The following LIFR variants were observed in gnomAD, a reference collection of about 807,000 sequenced individuals.
The protein encoded by LIFR is leukemia inhibitory factor receptor.
A neutral mutation model predicts 122.2 loss-of-function variants in LIFR; 84 were observed. The ratio of observed to expected loss-of-function variants is 0.69; its 90% CI spans 0.58 to 0.82. The LOEUF (loss-of-function observed/expected upper bound fraction) is 0.82. Among genes scored for constraint, LIFR ranks in the 40% least tolerant of loss-of-function variants. The pLI is 0.00. For missense variants in LIFR, 1,294 were observed against 1,311.6 expected (o/e 0.99, Z 0.21); for synonymous variants, 422 against 434.7 (o/e 0.97, Z 0.36).
At chr5:38,517,383 T>A (rs1265285341) in intron 5 of LIFR, among the ~76,000 whole-genome samples, 1 of 152,134 alleles carries the variant, frequency 6.6e-6, no homozygotes, top group Non-Finnish European at 1.5e-5. Context: ...CCTAAGCCTG[T>A]AAGTGGTAAC....
intron 1 of LIFR, among the ~76,000 whole-genome samples, chr5:38,538,241 A>G: frequency 6.6e-6 from 1 of 152,200 alleles, no homozygotes; most frequent in Non-Finnish European, 1.5e-5. Flanking sequence ...GGGACTCCTT[A>G]GCCTACTGCT....
At chr5:38,555,770 G>T (rs540287373) in intron 1 of LIFR, among the ~76,000 whole-genome samples, 2 of 152,198 alleles carry the variant, frequency 1.3e-5, no homozygotes. Context: ...TTCAGAACAC[G>T]TGATGTGCAG....
intron 5 of LIFR, among the ~76,000 whole-genome samples, chr5:38,512,811 A>T (rs1031587869): frequency 6.6e-6 from 1 of 152,124 alleles, no homozygotes; most frequent in Non-Finnish European, 1.5e-5. Context: ...CTGCCTAATG[A>T]TCTAAATTTT....
chr5:38,594,266 C>T (rs1244771278), intron 1 of LIFR, among the ~76,000 whole-genome samples: 2 of 151,966 alleles, frequency 1.3e-5, no homozygotes, highest in Non-Finnish European at 2.9e-5. Flanking sequence ...GTTGTCAGGG[C>T]CTGGAGAAGG....
At chr5:38,581,801 T>TA (rs1225938947) in intron 1 of LIFR, among the ~76,000 whole-genome samples, 3 of 152,158 alleles carry the variant, frequency 2.0e-5, no homozygotes, top group Non-Finnish European at 4.4e-5. Context: ...GGCAGGGAAA[T>TA]ATAAACCTGT....
chr5:38,488,603 C>T (rs1435925513), intron 16 of LIFR, among the ~76,000 whole-genome samples: 1 of 152,148 alleles, frequency 6.6e-6, no homozygotes, highest in South Asian at 2.1e-4. Flanking sequence ...TAATACATCC[C>T]CAATCAAGTC....
rs1267297577 is a variant in LIFR at position 38,510,724 on chromosome 5, A to G, written c.737-6T>C. On this transcript the variant is annotated splice_polypyrimidine_tract_variant and splice_region_variant and intron_variant, in intron 6 of 19. Transcript: ENST00000453190. ...AGTCTGAGAATCAGGTATCCCTAGA[A>G]AGAAAAAGAGGAATTATAAACATTT... 7 of 1,605,576 alleles carry G rather than the reference A, an allele frequency of 4.4e-6. No individual in the cohort carries two copies. In the East Asian group the frequency reaches 1.1e-4, roughly 26 times the overall value.
At chr5:38,605,768 G>A (rs1750315660) in intron 2 of LIFR, among the ~76,000 whole-genome samples, 1 of 152,152 alleles carries the variant, frequency 6.6e-6, no homozygotes, top group Admixed American at 6.5e-5. Flanking sequence ...CTTTGGAAAG[G>A]CTAATCAGAA....
chr5:38,594,265 G>T (rs1750025150), intron 1 of LIFR, among the ~76,000 whole-genome samples: 1 of 152,192 alleles, frequency 6.6e-6, no homozygotes, highest in Non-Finnish European at 1.5e-5. Flanking sequence ...GGTTGTCAGG[G>T]CCTGGAGAAG....
chr5:38,561,049 C>T (rs1185646498), upstream of LIFR, among the ~76,000 whole-genome samples: 2 of 152,210 alleles, frequency 1.3e-5, no homozygotes, highest in South Asian at 2.1e-4. Context: ...CAAGCTTCCT[C>T]ATAGCAGTGA....
intron 1 of LIFR, among the ~76,000 whole-genome samples, chr5:38,542,726 C>G (rs1436811273): frequency 6.6e-6 from 1 of 152,094 alleles, no homozygotes. Flanking sequence ...ATGTCAGGCT[C>G]TGTGGTGCCT....
chr5:38,530,216 G>T (rs2112569796), intron 2 of LIFR, among the ~76,000 whole-genome samples: 1 of 152,104 alleles, frequency 6.6e-6, no homozygotes. Flanking sequence ...TGATTGTGCT[G>T]GTGGTTACAT....
chr5:38,528,818 A>C lies in LIFR; in HGVS notation c.165T>G (p.Cys55Trp). ...QKKGAPHDLK[C>W]VTNNLQVWNC... is the part of the protein sequence containing the mutation. Reference sequence around the variant, plus strand: ...TCCACACTTGCAAATTGTTAGTTACACACTTCAAATCATGAGGAGCCCCTG... The same window carrying C: ...TCCACACTTGCAAATTGTTAGTTACCCACTTCAAATCATGAGGAGCCCCTG... The change falls in exon 3 of 20, where the codon TGT (cysteine) becomes TGG (tryptophan). Residue 55 changes from cysteine to tryptophan, a missense_variant. By Grantham distance (215) the Cys-to-Trp change is radical. Transcript: ENST00000453190. The C allele has an allele frequency of 6.4e-7, 1 of 1,573,304 alleles. No homozygotes were observed. The highest frequency in any genetic ancestry group is 8.6e-7 in the Non-Finnish European group (1 of 1,156,778).
At chr5:38,549,682 T>C (rs955799885) in intron 1 of LIFR, among the ~76,000 whole-genome samples, 2 of 152,132 alleles carry the variant, frequency 1.3e-5, no homozygotes, top group African/African-American at 4.8e-5. Flanking sequence ...TCCCAGCTAC[T>C]TGGGAGGCTG....
chr5:38,497,704 T>G (rs1744957524), intron 12 of LIFR, among the ~76,000 whole-genome samples: 1 of 152,160 alleles, frequency 6.6e-6, no homozygotes, highest in African/African-American at 2.4e-5. Flanking sequence ...TTTTTCTAGG[T>G]ATAGATTTTT....
intron 1 of LIFR, among the ~76,000 whole-genome samples, chr5:38,561,845 T>TAA (rs1396220128): frequency 1.3e-5 from 2 of 152,210 alleles, no homozygotes; most frequent in African/African-American, 4.8e-5. Flanking sequence ...TTCCATTGTA[T>TAA]TGTTTACCAT....
intron 11 of LIFR, among the ~76,000 whole-genome samples, chr5:38,500,137 C>A (rs1745099915): frequency 6.6e-6 from 1 of 152,122 alleles, no homozygotes; most frequent in Non-Finnish European, 1.5e-5. Context: ...CATTTGTCAC[C>A]AGCTGATAAA....
At chr5:38,585,915 C>T (rs1749732249) in intron 1 of LIFR, among the ~76,000 whole-genome samples, 1 of 152,034 alleles carries the variant, frequency 6.6e-6, no homozygotes, top group South Asian at 2.1e-4. Flanking sequence ...TCATCCACTC[C>T]CCACCAAGAG....
intron 2 of LIFR, among the ~76,000 whole-genome samples, chr5:38,603,538 C>A (rs944440213): frequency 6.6e-5 from 10 of 152,216 alleles, no homozygotes; most frequent in African/African-American, 2.4e-4. Flanking sequence ...AGGGAAAGAC[C>A]CTTAAGCAGA....
Sources: allele counts gnomAD v4.1 joint callset (sites outside exome capture counted in the v4.1 genomes callset), GRCh38; gene constraint gnomAD v4.1.1; transcripts MANE v1.5; gene names NCBI Gene and HGNC (gene_info 2026-07-23, HGNC 2026-07-21).